Variants in FASTKD3 observed in about 807,000 individuals in gnomAD.
FASTKD3 encodes the protein FAST kinase domain-containing protein 3, mitochondrial.
In FASTKD3, 47 loss-of-function variants were observed where a neutral mutation model predicts 49.7. The observed-to-expected ratio is 0.95, with a 90% confidence interval of 0.75 to 1.21. The LOEUF (loss-of-function observed/expected upper bound fraction) is 1.21. FASTKD3 is among the 50% of genes most tolerant of loss of function. FASTKD3 has a pLI of 0.00. For synonymous variants in FASTKD3, 284 were observed against 288.6 expected, an observed-to-expected ratio of 0.98 and a Z score of 0.16; for missense variants, 748 against 765.7, an observed-to-expected ratio of 0.98 and a Z score of 0.27.
chr5:7,861,387 A>G, intron 5 of FASTKD3, 124 bp from the exon 6 acceptor site: 1 of 606,386 alleles, frequency 1.6e-6, no homozygotes, highest in South Asian at 4.6e-5. Flanking sequence ...TTATTTTCAA[A>G]TGAATCATGA....
Position 7,866,750 on chromosome 5 carries a change from G to C in FASTKD3, c.1334C>G (p.Pro445Arg). The C allele has an allele frequency of 6.2e-7, 1 of 1,614,040 alleles. No individual in the cohort carries two copies. The highest frequency in any genetic ancestry group is 8.5e-7 in the Non-Finnish European group (1 of 1,179,944). ...VLFTHFNYFP[P>R]KSLLKLLHSC... is the part of the protein sequence containing the mutation. ...ATGAAGAAGTTTCAATAATGATTTGGGTGGAAAATAATTGAAATGAGTGAA... is the reference window on the plus strand; with the variant it reads ...ATGAAGAAGTTTCAATAATGATTTGCGTGGAAAATAATTGAAATGAGTGAA... Residue 445 changes from proline to arginine, a missense_variant, in exon 2 of 7, where the codon CCC becomes CGC. Physicochemically the swap from Pro to Arg is moderately radical, Grantham distance 103. Around this residue, in one of 3 missense-constraint regions of FASTKD3, gnomAD observed 564 missense variants for 562.8 expected, o/e 1.00. Coordinates refer to ENST00000264669, the MANE Select transcript of FASTKD3 (RefSeq NM_024091.4).
intron 2 of FASTKD3, 77 bp from the exon 3 acceptor site, chr5:7,866,060 T>G: frequency 1.9e-6 from 2 of 1,072,324 alleles, no homozygotes; most frequent in Non-Finnish European, 2.9e-6. Context: ...ACATTCAACA[T>G]CAATTTACAC....
chr5:7,866,950 G>A lies in FASTKD3; in HGVS notation c.1134C>T (p.Cys378=). The A allele has an allele frequency of 6.2e-7, 1 of 1,614,166 alleles. No individual in the cohort carries two copies. Among genetic ancestry groups the A allele is most frequent in the Non-Finnish European group, 8.5e-7 (1 of 1,180,034 alleles). Residue 378 remains cysteine, a synonymous_variant, in exon 2 of 7, where the codon TGC becomes TGT. Coordinates refer to ENST00000264669, the MANE Select transcript of FASTKD3 (RefSeq NM_024091.4). Reference sequence around the variant, plus strand: ...GTTTTGAAAGAATCAGTTCTCTACTGCAGTACTCCATGACCCTGCAGACAA... The same window carrying A: ...GTTTTGAAAGAATCAGTTCTCTACTACAGTACTCCATGACCCTGCAGACAA... The part of the protein sequence containing the change: ...PEVVCRVMEY[C]SRELILSKPI...
rs1029626220 is a variant in FASTKD3, at chr5:7,861,889, G to A, written c.1700-237C>T. ...TCAATAACGCTAAACCACAGAATGG[G>A]TTCTGAAGTTATCTGGGGTATGACA... On this transcript the variant is annotated intron_variant, in intron 4 of 6. Transcript: ENST00000264669. The A allele has an allele frequency of 4.0e-5, 27 of 675,874 alleles. No individual in the cohort carries two copies. The Admixed American group carries it at 4.9e-4, about 12-fold the overall frequency. The allele number at this position is 675,874 out of a possible 1,614,324, so 41.9% of individuals were successfully genotyped here.
At position 7,867,300 on chromosome 5, in the gene FASTKD3, T is replaced by C. The variant is rs143848985; in HGVS notation, c.784A>G (p.Ile262Val). Residue 262 changes from isoleucine to valine, a missense_variant, in exon 2 of 7, where the codon ATC becomes GTC. Ile to Val is a conservative substitution (Grantham distance 29, BLOSUM62 3). Around this residue, in one of 3 missense-constraint regions of FASTKD3, gnomAD observed 564 missense variants for 562.8 expected, o/e 1.00. Coordinates refer to ENST00000264669, the MANE Select transcript of FASTKD3 (RefSeq NM_024091.4). ...ACTTTTTCAGTACATGCCTGCAAGA[T>C]TCTATAAAGGGCCACAATATCCTCC... ...TPEDIVALYR[I>V]LQACTEKVDE... 1 of 1,613,816 alleles carries C rather than the reference T, an allele frequency of 6.2e-7. No individual in the cohort carries two copies. Among genetic ancestry groups the C allele is most frequent in the Non-Finnish European group, 8.5e-7 (1 of 1,180,038 alleles).
rs370366494 is a variant in FASTKD3 at position 7,867,340 on chromosome 5, C to A, written c.744G>T (p.Leu248Phe). ...CAATATCCTCCGGGGTAAATGTTTC[C>A]AATTTTTCACCTTGAAGTTGATTTA... ...LIINQLQGEK[L>F]ETFTPEDIVA... Residue 248 changes from leucine (L) to phenylalanine (F), a missense_variant, in exon 2 of 7, where the codon TTG becomes TTT. Transcript: ENST00000264669. 3.1e-6 allele frequency: 5 copies of A among 1,613,918 alleles called. No homozygotes were observed. Among genetic ancestry groups the A allele is most frequent in the Non-Finnish European group, 4.2e-6 (5 of 1,180,054 alleles).
intron 3 of FASTKD3, 92 bp from the exon 4 acceptor site, chr5:7,863,089 T>C: frequency 9.3e-7 from 1 of 1,078,228 alleles, no homozygotes. Context: ...AAGTTTGATA[T>C]AACATTACTT....
chr5:7,861,850 T>C, intron 4 of FASTKD3, 198 bp from the exon 5 acceptor site: 1 of 1,192,758 alleles, frequency 8.4e-7, no homozygotes, highest in South Asian at 2.4e-5. Flanking sequence ...AAGTCAGCCT[T>C]AAATTAAGAA....
intron 3 of FASTKD3, among the ~76,000 whole-genome samples, chr5:7,863,742 T>C (rs531654614): frequency 6.6e-6 from 1 of 152,364 alleles, no homozygotes; most frequent in Non-Finnish European, 1.5e-5. Context: ...CTGTCATCCA[T>C]GACAGATGCT....
At chr5:7,861,495 A>AT in intron 5 of FASTKD3, 88 bp downstream of exon 5, 2 of 976,074 alleles carry the variant, frequency 2.0e-6, no homozygotes, top group Non-Finnish European at 2.9e-6. Flanking sequence ...AATCATATCT[A>AT]TTTTTTTCAC....
chr5:7,865,579 G>A (rs1746886671), intron 3 of FASTKD3, among the ~76,000 whole-genome samples: 1 of 152,176 alleles, frequency 6.6e-6, no homozygotes, highest in Non-Finnish European at 1.5e-5. Context: ...ATAACAAACA[G>A]CTATGGGAAA....
At chr5:7,865,475 T>C (rs2126608247) in intron 3 of FASTKD3, among the ~76,000 whole-genome samples, 1 of 152,290 alleles carries the variant, frequency 6.6e-6, no homozygotes, top group South Asian at 2.1e-4. Flanking sequence ...AACTAAACTC[T>C]ATTAGATAAA....
In FASTKD3 at chr5:7,865,962, G is replaced by A. The variant is rs1353585605; in HGVS notation, c.1460C>T (p.Thr487Ile). Residue 487 changes from threonine to isoleucine, a missense_variant, in exon 3 of 7, where the codon ACA (threonine) becomes ATA (isoleucine). Physicochemically the swap from Thr to Ile is moderately conservative, Grantham distance 89. Coordinates refer to ENST00000264669, the MANE Select transcript of FASTKD3 (RefSeq NM_024091.4). ...RLQGKESHLD[T>I]LSRAQLTQLF... The stretch of plus-strand genomic sequence containing the variant: ...TTGGGTCAGTTGTGCCCGACTCAAT[G>A]TGTCCAAATGAGATTCTTTACCTGA... The A allele has an allele frequency of 6.2e-7, 1 of 1,613,970 alleles. No homozygotes were observed. Among genetic ancestry groups the A allele is most frequent in the South Asian group, 1.1e-5 (1 of 91,076 alleles).
At position 7,867,112 on chromosome 5, in the gene FASTKD3, C is replaced by G. The variant is rs1336160914; in HGVS notation, c.972G>C (p.Arg324Ser). The G allele has an allele frequency of 6.2e-7, 1 of 1,614,154 alleles. No homozygotes were observed. Among genetic ancestry groups the G allele is most frequent in the Non-Finnish European group, 8.5e-7 (1 of 1,180,044 alleles). Residue 324 changes from arginine (R) to serine (S), a missense_variant, in exon 2 of 7, where the codon AGG becomes AGC. Physicochemically the swap from Arg to Ser is moderately radical, Grantham distance 110. Around this residue, in one of 3 missense-constraint regions of FASTKD3, gnomAD observed 564 missense variants for 562.8 expected, o/e 1.00. Transcript: ENST00000264669. The stretch of plus-strand genomic sequence containing the variant: ...CCTCGTTAGTGAAATGTGGGACATG[C>G]CTCACGACATATTTGCCCAATTTTA... ...LIIKLGKYVV[R>S]HVPHFTNEEL...
At chr5:7,865,770 G>A (rs141648178) in intron 3 of FASTKD3, 128 bp downstream of exon 3, 1 of 663,778 alleles carries the variant, frequency 1.5e-6, no homozygotes, top group East Asian at 2.5e-5. Context: ...AAGCCTATCT[G>A]GTGGCAACTG....
In FASTKD3 at chr5:7,862,804, A is replaced by G. The variant is rs749413940; in HGVS notation, c.1699+19T>C. On this transcript the variant is annotated intron_variant, in intron 4 of 6. Transcript: ENST00000264669. The stretch of plus-strand genomic sequence containing the variant: ...AGGATGCTTAGGTTTAAAACAACAA[A>G]ACTCCTTATACTACTTACCTATTGT... 1.3e-6 allele frequency: 2 copies of G among 1,593,582 alleles called. No homozygotes were observed. The highest frequency in any genetic ancestry group is 1.7e-6 in the Non-Finnish European group (2 of 1,168,632).
At chr5:7,866,313 C>A (rs201562833) in intron 2 of FASTKD3, among the ~76,000 whole-genome samples, 18 of 140,444 alleles carry the variant, frequency 1.3e-4, no homozygotes, top group Non-Finnish European at 1.3e-4. Context: ...ACCATCCTCT[C>A]AAAAAAAAAA....
intron 4 of FASTKD3, among the ~76,000 whole-genome samples, chr5:7,862,533 T>G (rs760870354): frequency 2.0e-5 from 3 of 152,134 alleles, no homozygotes; most frequent in Admixed American, 1.3e-4. Context: ...ATTTAGACCT[T>G]AAGTAAGTCT....
At position 7,867,995 on chromosome 5, in the gene FASTKD3, A is replaced by G. The variant is rs369437252; in HGVS notation, c.89T>C (p.Leu30Pro). The change falls in exon 2 of 7, where the codon CTA becomes CCA. Residue 30 changes from leucine to proline, a missense_variant. This residue lies in a region of FASTKD3 where 564 missense variants were observed against 562.8 expected (regional missense o/e 1.00). Coordinates refer to ENST00000264669, the MANE Select transcript of FASTKD3 (RefSeq NM_024091.4). ...RALAALKNKPLNHVHKVVKER... is the reference protein window; with the variant it reads ...RALAALKNKPPNHVHKVVKER... ...CTTGACTACCTTGTGAACATGATTT[A>G]GAGGTTTATTTTTTAAAGCAGCCAG... The G allele has an allele frequency of 1.9e-6, 3 of 1,614,050 alleles. No individual in the cohort carries two copies. The highest frequency in any genetic ancestry group is 2.7e-5 in the African/African-American group (2 of 74,930).
Sources: gnomAD v4.1 joint callset for allele counts (sites outside exome capture counted in the v4.1 genomes callset) on GRCh38, gnomAD v4.1.1 for gene constraint, gnomAD v4.1.1 regional missense constraint, MANE v1.5 for transcripts, NCBI Gene and HGNC (gene_info 2026-07-23, HGNC 2026-07-21) for gene names.